STX10: variants seen among roughly 807,000 people sequenced by gnomAD.
STX10 encodes the protein syntaxin-10.
In STX10, 35 loss-of-function variants were observed where a neutral mutation model predicts 34.1. The ratio of observed to expected loss-of-function variants is 1.03; its 90% CI spans 0.78 to 1.36. The LOEUF (loss-of-function observed/expected upper bound fraction) is 1.36. STX10 is among the 40% of genes most tolerant of loss of function. STX10 has a pLI of 0.00. For synonymous variants in STX10, 155 were observed against 132.9 expected, an observed-to-expected ratio of 1.17 and a Z score of -1.15; for missense variants, 361 against 335.5, an observed-to-expected ratio of 1.08 and a Z score of -0.59.
At chr19:13,147,807 T>C (rs536200927) in intron 4 of STX10, among the ~76,000 whole-genome samples, 3 of 149,990 alleles carry the variant, frequency 2.0e-5, no homozygotes, top group Admixed American at 6.7e-5. Context: ...TGAGACAGAA[T>C]TGCTTGAACC....
Position 13,149,717 on chromosome 19 carries a change from C to G in STX10, c.205+11G>C. Reference sequence around the variant, plus strand: ...TCCCATGCCACCCTCTGCCACAAAGCCCCAGGATATCGATGGTCTCTTCCA... The same window carrying G: ...TCCCATGCCACCCTCTGCCACAAAGGCCCAGGATATCGATGGTCTCTTCCA... On this transcript the variant is annotated intron_variant, in intron 2 of 7. Transcript: ENST00000587230. 6.2e-7 allele frequency: 1 copy of G among 1,612,658 alleles called. No homozygotes were observed. The highest frequency in any genetic ancestry group is 8.5e-7 in the Non-Finnish European group (1 of 1,178,790).
Position 13,144,296 on chromosome 19 carries a change from C to G in STX10, c.*114G>C. 2 of 1,438,796 alleles carry G rather than the reference C, an allele frequency of 1.4e-6. No homozygotes were observed. The highest frequency in any genetic ancestry group is 2.7e-5 in the South Asian group (2 of 74,768). 89.1% of individuals were successfully genotyped at this position (1,438,796 alleles called of 1,614,324 possible). A position where few individuals can be genotyped will look rare whatever the true frequency, so the allele number is the denominator to read the frequency against. ...TGGGGACAGCTCCCCAGGCGGGACC[C>G]TCTACTCTCCAGCTACCCAGGAGGG... On this transcript the variant is annotated 3_prime_UTR_variant, in exon 8 of 8. Transcript: ENST00000587230.
chr19:13,144,897 T>G, intron 5 of STX10, 27 bp from the exon 6 acceptor site: 3 of 1,595,190 alleles, frequency 1.9e-6, no homozygotes, highest in Non-Finnish European at 2.6e-6. Flanking sequence ...TGGGAGATGC[T>G]GTTGAAAACG....
rs934493070 is a variant in STX10 at position 13,144,418 on chromosome 19, A to G, written c.742T>C (p.Ser248Pro). The G allele has an allele frequency of 6.2e-7, 1 of 1,610,208 alleles. No homozygotes were observed. The highest frequency in any genetic ancestry group is 8.5e-7 in the Non-Finnish European group (1 of 1,178,808). The change falls in exon 8 of 8, where the codon TCT (serine) becomes CCT (proline). Residue 248 changes from serine to proline, a missense_variant. Coordinates refer to ENST00000587230, the MANE Select transcript of STX10 (RefSeq NM_003765.3). ...VLLLVLILLFSL is the reference protein window; with the variant it reads ...VLLLVLILLFPL ...GCCAGGGAGGGCTGGGGTCAGAGAG[A>G]GAATAGTAAGATGAGAACGAGGAGA...
rs1055334514 is a variant in STX10 at position 13,149,712 on chromosome 19, C to T, written c.205+16G>A. 3 of 1,611,308 alleles carry T rather than the reference C, an allele frequency of 1.9e-6. No homozygotes were observed. Among genetic ancestry groups the T allele is most frequent in the Non-Finnish European group, 2.5e-6 (3 of 1,177,718 alleles). ...GGCTCTCCCATGCCACCCTCTGCCACAAAGCCCCAGGATATCGATGGTCTC... is the reference window on the plus strand; with the variant it reads ...GGCTCTCCCATGCCACCCTCTGCCATAAAGCCCCAGGATATCGATGGTCTC... On this transcript the variant is annotated intron_variant, in intron 2 of 7. Transcript: ENST00000587230.
At chr19:13,146,771 C>T (rs2019908930) in intron 4 of STX10, among the ~76,000 whole-genome samples, 1 of 152,082 alleles carries the variant, frequency 6.6e-6, no homozygotes, top group Admixed American at 6.6e-5. Context: ...GAACGCCTGA[C>T]CTCAGGTGAT....
At chr19:13,149,411 CAAAAA>C (rs142737763) in intron 3 of STX10, 83 bp downstream of exon 3, 45 of 625,928 alleles carry the variant, frequency 7.2e-5, no homozygotes, top group South Asian at 1.0e-4. Flanking sequence ...GGCTCTGTCT[CAAAAA>C]AAAAAAAAAA....
Position 13,144,114 on chromosome 19 carries a change from G to A in STX10, c.*296C>T. 1 of 479,738 alleles carries A rather than the reference G, an allele frequency of 2.1e-6. No individual in the cohort carries two copies. The highest frequency in any genetic ancestry group is 3.3e-5 in the East Asian group (1 of 30,306). 29.7% of individuals were successfully genotyped at this position (479,738 alleles called of 1,614,324 possible). ...AGGTTGGCACGTGTATAAGGCACAG[G>A]GGCAAATGGCTTTGGGGTCCTGGAA... On this transcript the variant is annotated 3_prime_UTR_variant, in exon 8 of 8. Coordinates refer to ENST00000587230, the MANE Select transcript of STX10 (RefSeq NM_003765.3).
chr19:13,144,221 G>A lies in STX10; in HGVS notation c.*189C>T. 3 of 726,018 alleles carry A rather than the reference G, an allele frequency of 4.1e-6. No homozygotes were observed. Among genetic ancestry groups the A allele is most frequent in the South Asian group, 3.9e-5 (2 of 51,044 alleles). 45.0% of individuals were successfully genotyped at this position (726,018 alleles called of 1,614,324 possible). The stretch of plus-strand genomic sequence containing the variant: ...CACTTGAGACAGGACCAGTGGTGGT[G>A]GTTCCAGCCCAGGGTCCTGAAGGGT... On this transcript the variant is annotated 3_prime_UTR_variant, in exon 8 of 8. Coordinates refer to ENST00000587230, the MANE Select transcript of STX10 (RefSeq NM_003765.3).
chr19:13,148,434 C>A (rs538388181), intron 4 of STX10, among the ~76,000 whole-genome samples: 10 of 148,718 alleles, frequency 6.7e-5, no homozygotes, highest in Admixed American at 3.4e-4. Flanking sequence ...ACCCAGGAGG[C>A]GGAGATTGCG....
At chr19:13,148,814 C>T (rs893882968) in intron 4 of STX10, among the ~76,000 whole-genome samples, 2 of 151,930 alleles carry the variant, frequency 1.3e-5, no homozygotes, top group African/African-American at 4.8e-5. Flanking sequence ...CAGTATAGAC[C>T]CAGAGGACAC....
chr19:13,147,177 C>A (rs1208860500), intron 4 of STX10, among the ~76,000 whole-genome samples: 2 of 152,026 alleles, frequency 1.3e-5, no homozygotes, highest in Middle Eastern at 3.4e-3. Context: ...TGCAGATACA[C>A]TCAGAGGCCA....
Position 13,149,053 on chromosome 19 carries a change from T to C in STX10, c.339A>G (p.Ala113=). Reference sequence around the variant, plus strand: ...CCTCTCTGTTATTCCTCTCCAAAAATGCTACGGCTGTTGGGCTGACCATAT... The same window carrying C: ...CCTCTCTGTTATTCCTCTCCAAAAACGCTACGGCTGTTGGGCTGACCATAT... ...KDHMVSPTAV[A]FLERNNREIL... The change falls in exon 4 of 8, where the codon GCA becomes GCG. Residue 113 remains alanine (A), a synonymous_variant. Transcript: ENST00000587230. 1 of 1,603,402 alleles carries C rather than the reference T, an allele frequency of 6.2e-7. No homozygotes were observed. The highest frequency in any genetic ancestry group is 8.5e-7 in the Non-Finnish European group (1 of 1,174,820).
chr19:13,145,054 C>A (rs2019865967), intron 5 of STX10, among the ~76,000 whole-genome samples, 184 bp from the exon 6 acceptor site: 1 of 151,870 alleles, frequency 6.6e-6, no homozygotes, highest in African/African-American at 2.4e-5. Flanking sequence ...TAAAAATTGG[C>A]CAGGCATTGT....
intron 4 of STX10, among the ~76,000 whole-genome samples, chr19:13,148,552 C>G (rs1366274481): frequency 1.4e-5 from 2 of 143,990 alleles, no homozygotes; most frequent in East Asian, 4.1e-4. Context: ...TGGTGACGAG[C>G]ACCTGTAATC....
intron 4 of STX10, among the ~76,000 whole-genome samples, chr19:13,146,209 AT>A (rs1027532084): frequency 2.1e-4 from 31 of 148,810 alleles, no homozygotes; most frequent in African/African-American, 5.3e-4. Flanking sequence ...AAAAAAAAAA[AT>A]AAAATAAAAT....
At position 13,150,105 on chromosome 19, in the gene STX10, G is replaced by T; in HGVS notation, c.35+34C>A. 8.8e-7 allele frequency: 1 copy of T among 1,130,434 alleles called. No homozygotes were observed. The highest frequency in any genetic ancestry group is 1.3e-6 in the Non-Finnish European group (1 of 757,212). 70.0% of individuals were successfully genotyped at this position (1,130,434 alleles called of 1,614,324 possible). A position where few individuals can be genotyped will look rare whatever the true frequency, so the allele number is the denominator to read the frequency against. ...GGGCACTGGCTGGCTTGGGTACAGA[G>T]CACCCTCCGCCCTCCCCCGTCGTTG... On this transcript the variant is annotated intron_variant, in intron 1 of 7. Transcript: ENST00000587230. This position sits in a 1 kb window ranked among gnomAD's most constrained non-coding sequence, Gnocchi z 4.0.
intron 4 of STX10, 123 bp downstream of exon 4, chr19:13,148,906 G>T: frequency 1.4e-6 from 1 of 734,992 alleles, no homozygotes; most frequent in Non-Finnish European, 2.3e-6. Context: ...TAGACAGCAA[G>T]AAGATAACTG....
chr19:13,149,116 A>G, intron 3 of STX10, 25 bp from the exon 4 acceptor site: 2 of 1,576,518 alleles, frequency 1.3e-6, no homozygotes, highest in Non-Finnish European at 1.7e-6. Context: ...AGCATTAGGG[A>G]GGAAAGACAC....
Sources: allele counts gnomAD v4.1 joint callset (sites outside exome capture counted in the v4.1 genomes callset), GRCh38; gene constraint gnomAD v4.1.1; non-coding constraint Gnocchi (gnomAD v3.1); transcripts MANE v1.5; gene names NCBI Gene and HGNC (gene_info 2026-07-23, HGNC 2026-07-21).